The following DSCAM variants were observed in gnomAD, a reference collection of about 807,000 sequenced individuals.
The protein encoded by DSCAM is DS cell adhesion molecule, also known as cell adhesion molecule DSCAM.
A neutral mutation model predicts 217.7 loss-of-function variants in DSCAM; 47 were observed. The ratio of observed to expected loss-of-function variants is 0.22; its 90% confidence interval spans 0.17 to 0.28. The LOEUF (loss-of-function observed/expected upper bound fraction) is 0.28. Among genes scored for constraint, DSCAM ranks in the 10% least tolerant of loss-of-function variants. The pLI is 1.00. For synonymous variants in DSCAM, 1,056 were observed against 1,015.3 expected, an observed-to-expected ratio of 1.04 and a Z score of -0.76; for missense variants, 2,080 against 2,618.3, an observed-to-expected ratio of 0.79 and a Z score of 4.49.
chr21:40,656,587 G>A (rs757898388), intron 3 of DSCAM, among the ~76,000 whole-genome samples: 2 of 151,978 alleles, frequency 1.3e-5, no homozygotes, highest in African/African-American at 4.8e-5. Context: ...AGAGCAAGAT[G>A]GATCATTTTT....
At chr21:40,793,437 A>C (rs1269951013) in intron 1 of DSCAM, among the ~76,000 whole-genome samples, 1 of 151,624 alleles carries the variant, frequency 6.6e-6, no homozygotes, top group Non-Finnish European at 1.5e-5. Context: ...CTTCAGATAC[A>C]TAAATCCCTT....
intron 1 of DSCAM, among the ~76,000 whole-genome samples, chr21:40,738,192 T>C (rs375043225): frequency 6.6e-6 from 1 of 152,236 alleles, no homozygotes; most frequent in African/African-American, 2.4e-5. Flanking sequence ...TTCTTGCTTT[T>C]GAGAGGTTAC....
At chr21:40,394,346 T>C (rs890120532) in intron 3 of DSCAM, among the ~76,000 whole-genome samples, 6 of 152,236 alleles carry the variant, frequency 3.9e-5, no homozygotes, top group African/African-American at 1.4e-4. Context: ...AGGACCAAGG[T>C]CATACAATCT....
intron 4 of DSCAM, among the ~76,000 whole-genome samples, chr21:40,354,848 CAAAAAAAAAAAAAA>C (rs11314417): frequency 1.8e-5 from 2 of 112,374 alleles, no homozygotes; most frequent in East Asian, 2.7e-4. Context: ...AACTCTGTCT[CAAAAAAAAAAAAAA>C]AAAAAAAAAA....
chr21:40,799,587 T>C (rs1235661866), intron 1 of DSCAM, among the ~76,000 whole-genome samples: 1 of 152,202 alleles, frequency 6.6e-6, no homozygotes, highest in African/African-American at 2.4e-5. Context: ...TGAAGGAACA[T>C]GGGGAATATC....
chr21:40,311,555 C>T (rs1018450996), intron 9 of DSCAM, among the ~76,000 whole-genome samples: 1 of 152,072 alleles, frequency 6.6e-6, no homozygotes, highest in African/African-American at 2.4e-5. Flanking sequence ...GTTGCAATGG[C>T]GTCCCAAAAT....
At chr21:40,015,280 C>T (rs963526508) in intron 32 of DSCAM, among the ~76,000 whole-genome samples, 1 of 152,164 alleles carries the variant, frequency 6.6e-6, no homozygotes, top group African/African-American at 2.4e-5. Context: ...CATCCCCTCC[C>T]AATCCCAAAT....
intron 3 of DSCAM, among the ~76,000 whole-genome samples, chr21:40,457,128 A>C (rs2075770118): frequency 6.6e-6 from 1 of 152,218 alleles, no homozygotes; most frequent in African/African-American, 2.4e-5. Flanking sequence ...CAATAAAAAT[A>C]TAACCAAGTT....
At chr21:40,747,721 G>A (rs1218155122) in intron 1 of DSCAM, among the ~76,000 whole-genome samples, 3 of 151,290 alleles carry the variant, frequency 2.0e-5, no homozygotes, top group South Asian at 4.2e-4. Context: ...CATTCTATGA[G>A]GCCAGCATTA....
At chr21:40,739,525 T>C (rs575872339) in intron 1 of DSCAM, among the ~76,000 whole-genome samples, 43 of 152,322 alleles carry the variant, frequency 2.8e-4, no homozygotes, top group Admixed American at 2.4e-3. Context: ...CACAGGGCTA[T>C]CCCTCTGTGT....
At chr21:40,401,147 T>C (rs1329278097) in intron 3 of DSCAM, among the ~76,000 whole-genome samples, 1 of 152,226 alleles carries the variant, frequency 6.6e-6, no homozygotes. Flanking sequence ...CATAGTTTTC[T>C]GTCCCTTGTT....
intron 1 of DSCAM, among the ~76,000 whole-genome samples, chr21:40,800,309 G>C (rs1436974271): frequency 1.3e-5 from 2 of 152,148 alleles, no homozygotes; most frequent in African/African-American, 4.8e-5. Flanking sequence ...TACCAGGAGT[G>C]GGGTGTTGAT....
chr21:40,501,280 A>T (rs988081399), intron 3 of DSCAM, among the ~76,000 whole-genome samples: 3 of 152,266 alleles, frequency 2.0e-5, no homozygotes, highest in Non-Finnish European at 2.9e-5. Flanking sequence ...ACCTCTTTGT[A>T]TATTAAAATA....
At chr21:40,667,185 A>C (rs1329754683) in intron 3 of DSCAM, among the ~76,000 whole-genome samples, 1 of 152,162 alleles carries the variant, frequency 6.6e-6, no homozygotes, top group Non-Finnish European at 1.5e-5. Flanking sequence ...AAATTCAATA[A>C]AAATAATATC....
rs576897933 is a variant in DSCAM at position 40,153,553 on chromosome 21, G to A, written c.3019-8822C>T. Among the ~76,000 whole-genome samples, 108 of 152,264 alleles carry A rather than the reference G, an allele frequency of 7.1e-4. 2 individuals carry two copies. In the South Asian group the frequency reaches 0.022, roughly 30 times the overall value. On this transcript the variant is annotated intron_variant, in intron 16 of 32. Coordinates refer to ENST00000400454, the MANE Select transcript of DSCAM (RefSeq NM_001389.5). ...CATGGTGATCACAGGGGTGGGGGAC[G>A]GTACAAGCACAGATGAAGCTAGGGA...
chr21:40,615,095 G>T (rs1041312527), intron 3 of DSCAM, among the ~76,000 whole-genome samples: 2 of 151,716 alleles, frequency 1.3e-5, no homozygotes, highest in Non-Finnish European at 2.9e-5. Context: ...CCTAAGGTCA[G>T]AAGTTTGAGA....
At chr21:40,736,837 T>C (rs1022837591) in intron 1 of DSCAM, among the ~76,000 whole-genome samples, 1 of 152,196 alleles carries the variant, frequency 6.6e-6, no homozygotes, top group Non-Finnish European at 1.5e-5. Context: ...GTTATTCTTT[T>C]TAATTTTACT....
At chr21:40,834,792 C>T (rs2092043925) in intron 1 of DSCAM, among the ~76,000 whole-genome samples, 1 of 152,138 alleles carries the variant, frequency 6.6e-6, no homozygotes, top group Admixed American at 6.5e-5. Context: ...CCAGACCCCC[C>T]AGGAAAATAC....
intron 32 of DSCAM, among the ~76,000 whole-genome samples, chr21:40,028,284 T>C (rs112128112): frequency 1.8e-5 from 2 of 110,094 alleles, no homozygotes; most frequent in South Asian, 7.1e-4. Context: ...ACAGGGACAT[T>C]TGAGTCTGCA....
Sources: allele counts gnomAD v4.1 joint callset (sites outside exome capture counted in the v4.1 genomes callset), GRCh38; gene constraint gnomAD v4.1.1; transcripts MANE v1.5; gene names NCBI Gene and HGNC (gene_info 2026-07-23, HGNC 2026-07-21).